MND1: variants seen among roughly 807,000 people sequenced by gnomAD.
The protein encoded by MND1 is meiotic nuclear divisions 1.
In MND1, 28 loss-of-function variants were observed where a neutral mutation model predicts 35.1. The ratio of observed to expected loss-of-function variants is 0.80; its 90% CI spans 0.59 to 1.09. The LOEUF is 1.09. Among genes scored for constraint, MND1 ranks in the 50% least tolerant of loss-of-function variants. The pLI is 0.00. For missense variants in MND1, 213 were observed against 239.6 expected, an observed-to-expected ratio of 0.89 and a Z score of 0.73; for synonymous variants, 69 against 70.5, an observed-to-expected ratio of 0.98 and a Z score of 0.11.
At chr4:153,368,362 G>T (rs116143434) in intron 4 of MND1, among the ~76,000 whole-genome samples, 96 of 152,100 alleles carry the variant, frequency 6.3e-4, no homozygotes, top group African/African-American at 2.2e-3. Flanking sequence ...TGTACTGCTG[G>T]TTGCCTAGCT....
chr4:153,375,643 T>C (rs77870780), intron 4 of MND1, among the ~76,000 whole-genome samples: 8,979 of 152,148 alleles, frequency 0.059, 417 homozygotes, highest in South Asian at 0.14. Context: ...TGTGTACATG[T>C]ACACCAAGCA....
At chr4:153,379,957 G>A (rs1728626173) in intron 4 of MND1, among the ~76,000 whole-genome samples, 1 of 149,832 alleles carries the variant, frequency 6.7e-6, no homozygotes, top group Non-Finnish European at 1.5e-5. Context: ...AAGAGATTGA[G>A]GCTACAGTGA....
At chr4:153,375,387 A>G (rs1244381694) in intron 4 of MND1, among the ~76,000 whole-genome samples, 3 of 152,138 alleles carry the variant, frequency 2.0e-5, no homozygotes, top group Non-Finnish European at 2.9e-5. Context: ...AAGAGATTGA[A>G]TAATTTGCCC....
chr4:153,364,816 A>G (rs1023216073), intron 4 of MND1, among the ~76,000 whole-genome samples: 2 of 152,080 alleles, frequency 1.3e-5, no homozygotes, highest in Admixed American at 1.3e-4. Context: ...GGCATAAGCA[A>G]TTCTCCAGCC....
At chr4:153,412,674 C>T (rs1262691635) in intron 7 of MND1, among the ~76,000 whole-genome samples, 1 of 149,180 alleles carries the variant, frequency 6.7e-6, no homozygotes, top group Admixed American at 6.7e-5. Context: ...TTAGTAGAGA[C>T]GGGGTTTCAC....
rs189914586 is a variant in MND1, at chr4:153,351,213, A to G, written c.69+1084A>G. Among the ~76,000 whole-genome samples, 432 of 152,300 alleles carry G rather than the reference A, an allele frequency of 2.8e-3. 1 individual carries two copies. Among genetic ancestry groups the G allele is most frequent in the African/African-American group, 9.8e-3 (409 of 41,562 alleles). ...GAAAGCTGAGGAGAGTGGTTGGGGA[A>G]ATTATTTTGTCATTTACAATATTAT... On this transcript the variant is annotated intron_variant, in intron 2 of 7. Transcript: ENST00000240488.
At chr4:153,393,924 CTTT>C (rs36028750) in intron 4 of MND1, among the ~76,000 whole-genome samples, 31 of 56,466 alleles carry the variant, frequency 5.5e-4, no homozygotes, top group East Asian at 1.2e-3. Context: ...ACTTTGTTTT[CTTT>C]TTTTTTTTTT....
intron 4 of MND1, among the ~76,000 whole-genome samples, chr4:153,373,524 A>C (rs1728383497): frequency 6.6e-6 from 1 of 152,206 alleles, no homozygotes; most frequent in East Asian, 1.9e-4. Context: ...TTGTTAGTAC[A>C]GTGAATCTAG....
intron 3 of MND1, 91 bp from the exon 4 acceptor site, chr4:153,358,383 A>T: frequency 2.8e-6 from 3 of 1,081,994 alleles, no homozygotes; most frequent in Non-Finnish European, 3.8e-6. Flanking sequence ...TTGATTTGTG[A>T]TATGTTTTGC....
chr4:153,394,157 C>T (rs1729133398), intron 4 of MND1, 105 bp from the exon 5 acceptor site: 30 of 898,660 alleles, frequency 3.3e-5, no homozygotes, highest in Middle Eastern at 4.5e-4. Context: ...CGGCCTGGGG[C>T]GAGTGCTGGG....
At position 153,383,614 on chromosome 4, in the gene MND1, A is replaced by G. The variant is rs1021425274; in HGVS notation, c.277-10648A>G. On this transcript the variant is annotated intron_variant, in intron 4 of 7. Transcript: ENST00000240488. ...GCAGTCAGTGGACTGGTAGAACTCT[A>G]GACTAAAAAAGAGACAAAGATTACG... 2.0e-5 allele frequency among the ~76,000 whole-genome samples: 3 copies of G among 152,178 alleles called. No individual in the cohort carries two copies. In the East Asian group the frequency reaches 5.8e-4, roughly 29 times the overall value.
intron 4 of MND1, among the ~76,000 whole-genome samples, chr4:153,388,248 G>A (rs940107119): frequency 1.7e-4 from 26 of 152,296 alleles, no homozygotes; most frequent in South Asian, 2.1e-4. Flanking sequence ...CCAGCACTTT[G>A]GGAGGACAAG....
Position 153,371,856 on chromosome 4 carries a change from T to C in MND1, c.276+13234T>C, listed in dbSNP as rs1218466178. 2.0e-5 allele frequency among the ~76,000 whole-genome samples: 3 copies of C among 152,140 alleles called. 1 individual carries two copies. The highest frequency in any genetic ancestry group is 7.2e-5 in the African/African-American group (3 of 41,476). On this transcript the variant is annotated intron_variant, in intron 4 of 7. Transcript: ENST00000240488. ...CCGCCTGTTTTGGCTTTTGACTGTATCTTCCTAACTAAGCTTAATCATTTC... is the reference window on the plus strand; with the variant it reads ...CCGCCTGTTTTGGCTTTTGACTGTACCTTCCTAACTAAGCTTAATCATTTC...
chr4:153,355,634 C>A lies in MND1; in HGVS notation c.70-20C>A. On this transcript the variant is annotated intron_variant, in intron 2 of 7. Coordinates refer to ENST00000240488, the MANE Select transcript of MND1 (RefSeq NM_032117.4). ...AAAATAAACACGTGCTTTTCATTTT[C>A]TTTAAAACCCTTTAAACAGAAAGAT... 2.0e-6 allele frequency: 3 copies of A among 1,511,116 alleles called. No individual in the cohort carries two copies. The highest frequency in any genetic ancestry group is 2.3e-5 in the South Asian group (2 of 85,342). 93.6% of individuals were successfully genotyped at this position (1,511,116 alleles called of 1,614,324 possible).
rs748844340 is a variant in MND1 at position 153,394,339 on chromosome 4, A to C, written c.351+3A>C. 6.2e-7 allele frequency: 1 copy of C among 1,609,460 alleles called. No individual in the cohort carries two copies. The highest frequency in any genetic ancestry group is 2.2e-5 in the East Asian group (1 of 44,738). ...CTAAAATTGGCCGATGTGAAACGGT[A>C]AGTTTGTGTCTATAGATTATTTTAA... On this transcript the variant is annotated splice_donor_region_variant and intron_variant, in intron 5 of 7. Coordinates refer to ENST00000240488, the MANE Select transcript of MND1 (RefSeq NM_032117.4).
intron 4 of MND1, among the ~76,000 whole-genome samples, chr4:153,367,306 T>TCAGCCCACTC (rs1337020485): frequency 1.3e-5 from 2 of 152,206 alleles, no homozygotes; most frequent in Non-Finnish European, 2.9e-5. Context: ...CTGAATCTTC[T>TCAGCCCACTC]CAGCCCACTC....
rs897260026 is a variant in MND1, at chr4:153,359,697, T to C, written c.276+1075T>C. Among the ~76,000 whole-genome samples, 9 of 152,242 alleles carry C rather than the reference T, an allele frequency of 5.9e-5. No homozygotes were observed. In the South Asian group the frequency reaches 1.3e-3, roughly 21 times the overall value. On this transcript the variant is annotated intron_variant, in intron 4 of 7. Coordinates refer to ENST00000240488, the MANE Select transcript of MND1 (RefSeq NM_032117.4). The stretch of plus-strand genomic sequence containing the variant: ...ATTTGGTGTTGTCAGTGTCTTGTAT[T>C]TTAGCCATTCTAATAGATGTGTAGT...
At position 153,392,580 on chromosome 4, in the gene MND1, G is replaced by C. The variant is rs145388777; in HGVS notation, c.277-1682G>C. 1.5e-3 allele frequency among the ~76,000 whole-genome samples: 224 copies of C among 152,294 alleles called. 1 individual carries two copies. The highest frequency in any genetic ancestry group is 4.9e-3 in the African/African-American group (205 of 41,568). The stretch of plus-strand genomic sequence containing the variant: ...ACTAGTTTATAGCAAAAGATGTGGA[G>C]AATTTGGTATTTGGAATTCCCTGTG... On this transcript the variant is annotated intron_variant, in intron 4 of 7. Transcript: ENST00000240488.
At chr4:153,369,433 C>G (rs966623508) in intron 4 of MND1, among the ~76,000 whole-genome samples, 3 of 152,118 alleles carry the variant, frequency 2.0e-5, no homozygotes, top group Admixed American at 1.3e-4. Flanking sequence ...TTCCATACCA[C>G]CACAATAAAG....
Sources: allele counts gnomAD v4.1 joint callset (sites outside exome capture counted in the v4.1 genomes callset), GRCh38; gene constraint gnomAD v4.1.1; transcripts MANE v1.5; gene names NCBI Gene and HGNC (gene_info 2026-07-23, HGNC 2026-07-21).